KMT2E: variants seen among roughly 807,000 people sequenced by gnomAD.
KMT2E encodes the protein histone reader KMT2E.
Under a neutral mutation model 184.6 loss-of-function variants are expected in KMT2E, and 30 were observed. The observed-to-expected ratio is 0.16, with a 90% CI of 0.12 to 0.22. The LOEUF (loss-of-function observed/expected upper bound fraction) is 0.22. Ranked by LOEUF, KMT2E falls within the 10% of genes least tolerant of loss-of-function variation. KMT2E has a pLI of 1.00. For missense variants in KMT2E, 2,023 were observed against 2,237.4 expected, an observed-to-expected ratio of 0.90 and a Z score of 1.93; for synonymous variants, 815 against 776.5, an observed-to-expected ratio of 1.05 and a Z score of -0.82.
In KMT2E at chr7:105,101,428, A is replaced by C. The variant is rs1798653267; in HGVS notation, c.1726A>C (p.Arg576=). 6.5e-7 allele frequency: 1 copy of C among 1,544,752 alleles called. No individual in the cohort carries two copies. The highest frequency in any genetic ancestry group is 1.4e-5 in the African/African-American group (1 of 71,510). Reference sequence around the variant, plus strand: ...ACTTAAAATTTAAATTTCATAGACAAGAGAAGAAAGAAAAATGGAAGCAAT... The same window carrying C: ...ACTTAAAATTTAAATTTCATAGACACGAGAAGAAAGAAAAATGGAAGCAAT... ...QIAERKRKMT[R]EERKMEAILQ... Residue 576 remains arginine (R), a synonymous_variant, in exon 16 of 27, where the codon AGA becomes CGA. Transcript: ENST00000311117.
chr7:105,049,467 A>G (rs927713886), intron 3 of KMT2E, among the ~76,000 whole-genome samples: 3 of 152,186 alleles, frequency 2.0e-5, no homozygotes, highest in Non-Finnish European at 4.4e-5. Context: ...TAAAGTTCTA[A>G]TTCAGTGCTC....
Position 105,112,530 on chromosome 7 carries a change from G to A in KMT2E, c.4774G>A (p.Gly1592Ser). The A allele has an allele frequency of 6.2e-7, 1 of 1,614,000 alleles. No homozygotes were observed. The highest frequency in any genetic ancestry group is 1.1e-5 in the South Asian group (1 of 91,070). Reference protein sequence around the residue: ...FTSGPNQALPGTTSQQTVPGH... With the variant: ...FTSGPNQALPSTTSQQTVPGH... ...ATCAGGACCAAATCAAGCACTTCCTGGCACCACAAGCCAGCAAACAGTTCC... is the reference window on the plus strand; with the variant it reads ...ATCAGGACCAAATCAAGCACTTCCTAGCACCACAAGCCAGCAAACAGTTCC... The change falls in exon 27 of 27, where the codon GGC (glycine) becomes AGC (serine). Residue 1592 changes from glycine (G) to serine (S), a missense_variant. Gly to Ser is a moderately conservative substitution (Grantham distance 56). This residue lies in a region of KMT2E where 1,108 missense variants were observed against 1,050.9 expected (regional missense o/e 1.05). Coordinates refer to ENST00000311117, the MANE Select transcript of KMT2E (RefSeq NM_182931.3).
chr7:105,102,051 G>GAAGTTACTTCACAACAAAATGACA lies in KMT2E; in HGVS notation c.2075_2076insCAAAGTTACTTCACAACAAAATGA (p.Asp692_Ile693insLysValThrSerGlnGlnAsnAsp), dbSNP rs1798678218. The GAAGTTACTTCACAACAAAATGACA allele has an allele frequency of 5.0e-6, 8 of 1,613,774 alleles. No homozygotes were observed. The highest frequency in any genetic ancestry group is 6.8e-6 in the Non-Finnish European group (8 of 1,179,872). ...TATCCAGCCATCTTCTCCTGATATA[G>GAAGTTACTTCACAACAAAATGACA]AAGTTACTTCACAACAAAATGATAT... is the stretch of plus-strand genomic sequence containing the variant. On this transcript the variant is annotated inframe_insertion, in exon 17 of 27. Coordinates refer to ENST00000311117, the MANE Select transcript of KMT2E (RefSeq NM_182931.3).
At chr7:105,073,399 G>GAA (rs35148101) in intron 6 of KMT2E, among the ~76,000 whole-genome samples, 33 of 112,424 alleles carry the variant, frequency 2.9e-4, no homozygotes, top group Admixed American at 5.4e-4. Flanking sequence ...CCTGTCTGGG[G>GAA]AAAAAAAAAA....
At chr7:105,099,995 T>C (rs1335902223) in intron 15 of KMT2E, among the ~76,000 whole-genome samples, 1 of 152,106 alleles carries the variant, frequency 6.6e-6, no homozygotes, top group Non-Finnish European at 1.5e-5. Flanking sequence ...ATAAGGAATT[T>C]TGTAAGGAAA....
intron 1 of KMT2E, among the ~76,000 whole-genome samples, chr7:105,029,970 A>G (rs191491273): frequency 6.6e-6 from 1 of 152,224 alleles, no homozygotes; most frequent in South Asian, 2.1e-4. Flanking sequence ...GGTTTAATCA[A>G]TAATAATTTA....
intron 3 of KMT2E, among the ~76,000 whole-genome samples, chr7:105,050,086 AT>A (rs888979105): frequency 6.6e-6 from 1 of 152,066 alleles, no homozygotes; most frequent in African/African-American, 2.4e-5. Context: ...ATATAACAGA[AT>A]TATTTCCCTT....
chr7:105,051,160 T>TTC (rs1562892430), intron 3 of KMT2E, among the ~76,000 whole-genome samples: 104 of 150,286 alleles, frequency 6.9e-4, no homozygotes, highest in African/African-American at 2.4e-3. Flanking sequence ...TTCCTCCCTT[T>TTC]CTTCCTTCCT....
rs1009255055 is a variant in KMT2E at position 105,114,209 on chromosome 7, G to A, written c.*876G>A. The A allele has an allele frequency of 2.0e-5, 3 of 152,186 alleles. No homozygotes were observed. Among genetic ancestry groups the A allele is most frequent in the African/African-American group, 7.2e-5 (3 of 41,438 alleles). The allele number at this position is 152,186 out of a possible 1,614,324, so 9.4% of individuals were successfully genotyped here. A position where few individuals can be genotyped will look rare whatever the true frequency, so the allele number is the denominator to read the frequency against. Reference sequence around the variant, plus strand: ...AGCGACTACTACCTCAGCAACAGGAGGCAGCAAGGGGCTGTTCCTGTGGTG... The same window carrying A: ...AGCGACTACTACCTCAGCAACAGGAAGCAGCAAGGGGCTGTTCCTGTGGTG... On this transcript the variant is annotated 3_prime_UTR_variant, in exon 27 of 27. Transcript: ENST00000311117.
intron 6 of KMT2E, among the ~76,000 whole-genome samples, chr7:105,067,641 A>G (rs1797089429): frequency 6.6e-6 from 1 of 152,176 alleles, no homozygotes; most frequent in Non-Finnish European, 1.5e-5. Flanking sequence ...GTGTATATAT[A>G]TTTCAGAATA....
In KMT2E at chr7:105,077,534, A is replaced by G. The variant is rs369970917; in HGVS notation, c.1130+101A>G. ...TGATTATATGTACTTTTTTTCCTAC[A>G]TGATCATTTCAGTATTTAAAGCTGT... On this transcript the variant is annotated intron_variant, in intron 11 of 26. Transcript: ENST00000311117. The G allele has an allele frequency of 8.5e-5, 75 of 881,718 alleles. No individual in the cohort carries two copies. The East Asian group carries it at 1.7e-3, about 20-fold the overall frequency. The allele number at this position is 881,718 out of a possible 1,614,324, so 54.6% of individuals were successfully genotyped here.
intron 3 of KMT2E, among the ~76,000 whole-genome samples, chr7:105,053,310 A>C (rs1796421938): frequency 6.6e-6 from 1 of 152,170 alleles, no homozygotes; most frequent in African/African-American, 2.4e-5. Flanking sequence ...TTGAGACATA[A>C]CGTAGGAAGA....
chr7:105,034,219 T>G (rs1339625087), intron 1 of KMT2E, among the ~76,000 whole-genome samples: 1 of 152,174 alleles, frequency 6.6e-6, no homozygotes, highest in Admixed American at 6.5e-5. Context: ...TACAATGTCC[T>G]GACTAGTGTG....
chr7:105,096,528 C>T (rs1268877775), intron 15 of KMT2E, among the ~76,000 whole-genome samples: 2 of 152,112 alleles, frequency 1.3e-5, no homozygotes, highest in Non-Finnish European at 2.9e-5. Flanking sequence ...CAAGAGATTC[C>T]TGGACTTGTC....
chr7:105,034,931 C>A (rs573912359), intron 1 of KMT2E, among the ~76,000 whole-genome samples: 40 of 152,026 alleles, frequency 2.6e-4, no homozygotes, highest in African/African-American at 9.6e-4. Flanking sequence ...TCCTGGCTCA[C>A]TGCAACCTCT....
chr7:105,091,694 A>T (rs1368200411), intron 15 of KMT2E: 2 of 290,080 alleles, frequency 6.9e-6, no homozygotes, highest in African/African-American at 2.2e-5. Flanking sequence ...ACCTTACTAT[A>T]GCACCAAATA....
intron 3 of KMT2E, among the ~76,000 whole-genome samples, chr7:105,060,552 A>T (rs969194322): frequency 2.2e-4 from 33 of 151,660 alleles, no homozygotes; most frequent in Non-Finnish European, 3.2e-4. Context: ...TCAACCTCCC[A>T]AGTAGCTAGG....
chr7:105,077,339 G>A lies in KMT2E; in HGVS notation c.1036G>A (p.Ala346Thr). 6.2e-7 allele frequency: 1 copy of A among 1,610,300 alleles called. No individual in the cohort carries two copies. Among genetic ancestry groups the A allele is most frequent in the Non-Finnish European group, 8.5e-7 (1 of 1,177,064 alleles). ...AAAGAATAAGAAAATTCTTAAATCT[G>A]CAAAAGATTTGCCTCCTGATGCACT... ...IQKNKKILKS[A>T]KDLPPDALII... Residue 346 changes from alanine to threonine, a missense_variant, in exon 11 of 27, where the codon GCA becomes ACA. Around this residue, in one of 8 missense-constraint regions of KMT2E, gnomAD observed 191 missense variants for 209.0 expected, o/e 0.91. Transcript: ENST00000311117.
At chr7:105,066,016 T>G (rs1320685215) in intron 5 of KMT2E, among the ~76,000 whole-genome samples, 2 of 152,136 alleles carry the variant, frequency 1.3e-5, no homozygotes, top group African/African-American at 4.8e-5. Context: ...ATTCTTTAAC[T>G]TATTTTTCTC....
Sources: gnomAD v4.1 joint callset for allele counts (sites outside exome capture counted in the v4.1 genomes callset) on GRCh38, gnomAD v4.1.1 for gene constraint, gnomAD v4.1.1 regional missense constraint, MANE v1.5 for transcripts, NCBI Gene and HGNC (gene_info 2026-07-23, HGNC 2026-07-21) for gene names.